AOC2: variants seen among roughly 807,000 people sequenced by gnomAD.
AOC2 encodes amine oxidase [copper-containing] 2.
A neutral mutation model predicts 53.8 loss-of-function variants in AOC2; 57 were observed. The observed-to-expected ratio is 1.06, with a 90% CI of 0.86 to 1.32. The LOEUF is 1.32. Ranked by LOEUF, AOC2 falls within the 40% of genes most tolerant of loss-of-function variation. The pLI is 0.00. For missense variants in AOC2, 1,008 were observed against 957.2 expected, an observed-to-expected ratio of 1.05 and a Z score of -0.70; for synonymous variants, 404 against 399.0, an observed-to-expected ratio of 1.01 and a Z score of -0.15.
rs148420019 is a variant in AOC2 at position 42,850,130 on chromosome 17, G to A, written c.2053G>A (p.Glu685Lys). The stretch of plus-strand genomic sequence containing the variant: ...CAGCTTCCTGCACATTCCCCATGCC[G>A]AGGACATCCCAAACACAGTGACTCT... ...TASFLHIPHAEDIPNTVTLGN... is the reference protein window; with the variant it reads ...TASFLHIPHAKDIPNTVTLGN... The change falls in exon 4 of 4, where the codon GAG (glutamate) becomes AAG (lysine). Residue 685 changes from glutamate (E) to lysine (K), a missense_variant. Physicochemically the swap from Glu to Lys is moderately conservative, Grantham distance 56. Coordinates refer to ENST00000253799, the MANE Select transcript of AOC2 (RefSeq NM_009590.4). The A allele has an allele frequency of 1.3e-4, 216 of 1,614,034 alleles. 1 individual carries two copies. The highest frequency in any genetic ancestry group is 3.3e-4 in the Middle Eastern group (2 of 6,084).
chr17:42,850,401 C>T lies in AOC2; in HGVS notation c.*53C>T. ...TAGGCACATGTACTTTTCCCTGTTT[C>T]TACTTTCTATTCTCCGTGTTTTTAT... On this transcript the variant is annotated 3_prime_UTR_variant, in exon 4 of 4. Transcript: ENST00000253799. 6.6e-7 allele frequency: 1 copy of T among 1,515,992 alleles called. No individual in the cohort carries two copies. The highest frequency in any genetic ancestry group is 1.3e-5 in the South Asian group (1 of 76,968). The allele number at this position is 1,515,992 out of a possible 1,614,324, so 93.9% of individuals were successfully genotyped here. A position where few individuals can be genotyped will look rare whatever the true frequency, so the allele number is the denominator to read the frequency against.
rs1298175860 is a variant in AOC2, at chr17:42,845,725, G to T, written c.1099G>T (p.Gly367Cys). The T allele has an allele frequency of 6.2e-7, 1 of 1,614,034 alleles. No individual in the cohort carries two copies. The highest frequency in any genetic ancestry group is 8.5e-7 in the Non-Finnish European group (1 of 1,180,034). The change falls in exon 1 of 4, where the codon GGT (glycine) becomes TGT (cysteine). Residue 367 changes from glycine (G) to cysteine (C), a missense_variant. Transcript: ENST00000253799. ...VSVQECVSIY[G>C]ADSPKTMLTR... ...TGTCCAGGAGTGTGTATCTATCTAT[G>T]GTGCCGATTCACCCAAGACGATGCT...
rs762996886 is a variant in AOC2, at chr17:42,844,816, T to C, written c.190T>C (p.Leu64=). The C allele has an allele frequency of 1.9e-5, 30 of 1,613,338 alleles. No individual in the cohort carries two copies. The highest frequency in any genetic ancestry group is 2.4e-5 in the Non-Finnish European group (28 of 1,179,680). The change falls in exon 1 of 4, where the codon TTG becomes CTG. Residue 64 remains leucine, a synonymous_variant. Transcript: ENST00000253799. ...QLFADLSREE[L]TAVMRFLTQR... ...GTTTGCAGACCTGAGCCGAGAGGAGTTGACAGCTGTGATGCGCTTTCTGAC... is the reference window on the plus strand; with the variant it reads ...GTTTGCAGACCTGAGCCGAGAGGAGCTGACAGCTGTGATGCGCTTTCTGAC...
chr17:42,850,163 A>C lies in AOC2; in HGVS notation c.2086A>C (p.Arg696=), dbSNP rs2055640365. The change falls in exon 4 of 4, where the codon AGA becomes CGA. Residue 696 remains arginine (R), a synonymous_variant. Coordinates refer to ENST00000253799, the MANE Select transcript of AOC2 (RefSeq NM_009590.4). ...CCCAAACACAGTGACTCTGGGGAAC[A>C]GAGTTGGCTTCTTGCTCCGACCCTA... The part of the protein sequence containing the change: ...DIPNTVTLGN[R]VGFLLRPYNF... 6.2e-7 allele frequency: 1 copy of C among 1,614,062 alleles called. No homozygotes were observed. Among genetic ancestry groups the C allele is most frequent in the African/African-American group, 1.3e-5 (1 of 74,914 alleles).
Position 42,850,411 on chromosome 17 carries a change from T to TGA in AOC2, c.*63_*64insGA. On this transcript the variant is annotated 3_prime_UTR_variant, in exon 4 of 4. Transcript: ENST00000253799. The stretch of plus-strand genomic sequence containing the variant: ...TACTTTTCCCTGTTTCTACTTTCTA[T>TGA]TCTCCGTGTTTTTATCACACCTGCT... 1 of 1,503,524 alleles carries TGA rather than the reference T, an allele frequency of 6.7e-7. No homozygotes were observed. The highest frequency in any genetic ancestry group is 1.3e-5 in the South Asian group (1 of 74,994). The allele number at this position is 1,503,524 out of a possible 1,614,324, so 93.1% of individuals were successfully genotyped here.
In AOC2 at chr17:42,849,747, AC is replaced by A; in HGVS notation, c.2004+18del. On this transcript the variant is annotated intron_variant, in intron 3 of 3. Coordinates refer to ENST00000253799, the MANE Select transcript of AOC2 (RefSeq NM_009590.4). The stretch of plus-strand genomic sequence containing the variant: ...TTAGGAGAGGTTGGTTGCCCTAGGG[AC>A]ATAGGAAAGGGACACCTGTGGGCAT... 1 of 1,614,074 alleles carries A rather than the reference AC, an allele frequency of 6.2e-7. No homozygotes were observed. Among genetic ancestry groups the A allele is most frequent in the Non-Finnish European group, 8.5e-7 (1 of 1,179,986 alleles).
At position 42,845,855 on chromosome 17, in the gene AOC2, T is replaced by C. The variant is rs751404906; in HGVS notation, c.1229T>C (p.Leu410Ser). The C allele has an allele frequency of 6.2e-7, 1 of 1,614,178 alleles. No individual in the cohort carries two copies. The highest frequency in any genetic ancestry group is 8.5e-7 in the Non-Finnish European group (1 of 1,180,026). ...GCCACGATGGTGGACATCCATATAT[T>C]AGTGGGCAAAGGGGCAGTCCAGCTG... ...YQATMVDIHI[L>S]VGKGAVQLLP... The change falls in exon 1 of 4, where the codon TTA (leucine) becomes TCA (serine). Residue 410 changes from leucine (L) to serine (S), a missense_variant. Coordinates refer to ENST00000253799, the MANE Select transcript of AOC2 (RefSeq NM_009590.4).
rs2055622704 is a variant in AOC2 at position 42,849,133 on chromosome 17, GCTGCCCC to G, written c.1640_1646del (p.Ala547GlyfsTer12). 1 of 1,613,936 alleles carries G rather than the reference GCTGCCCC, an allele frequency of 6.2e-7. No individual in the cohort carries two copies. Among genetic ancestry groups the G allele is most frequent in the Non-Finnish European group, 8.5e-7 (1 of 1,179,972 alleles). ...TGAAGACGTGGTGTTTAAACCTGTG[GCTGCCCC>G]CTGGAACCCGGAGCACTGGCTACAG... On this transcript the variant is annotated frameshift_variant, in exon 2 of 4. Coordinates refer to ENST00000253799, the MANE Select transcript of AOC2 (RefSeq NM_009590.4). LOFTEE classifies it high-confidence loss of function.
At chr17:42,850,028 G>C in intron 3 of AOC2, 54 bp from the exon 4 acceptor site, 1 of 1,580,300 alleles carries the variant, frequency 6.3e-7, no homozygotes, top group East Asian at 2.2e-5. Context: ...TGACTGAAGG[G>C]TGGTTCTTTG....
intron 1 of AOC2, 43 bp downstream of exon 1, chr17:42,846,257 C>A: frequency 3.9e-5 from 55 of 1,428,166 alleles, no homozygotes; most frequent in South Asian, 1.8e-4. Flanking sequence ...GGGGCGGGGT[C>A]AGGTGGGGTG....
chr17:42,850,368 G>A lies in AOC2; in HGVS notation c.*20G>A, dbSNP rs191448188. Reference sequence around the variant, plus strand: ...TTCTAGTCCTGAGGGTGTGGCGGGCGGCGTGGTTAGGCACATGTACTTTTC... The same window carrying A: ...TTCTAGTCCTGAGGGTGTGGCGGGCAGCGTGGTTAGGCACATGTACTTTTC... On this transcript the variant is annotated 3_prime_UTR_variant, in exon 4 of 4. Coordinates refer to ENST00000253799, the MANE Select transcript of AOC2 (RefSeq NM_009590.4). 73 of 1,565,748 alleles carry A rather than the reference G, an allele frequency of 4.7e-5. 1 individual carries two copies. Among genetic ancestry groups the A allele is most frequent in the East Asian group, 4.5e-4 (20 of 44,050 alleles).
Position 42,849,076 on chromosome 17 carries a change from C to T in AOC2, c.1589-10C>T. 1 of 1,602,504 alleles carries T rather than the reference C, an allele frequency of 6.2e-7. No homozygotes were observed. Among genetic ancestry groups the T allele is most frequent in the Non-Finnish European group, 8.5e-7 (1 of 1,171,962 alleles). On this transcript the variant is annotated splice_polypyrimidine_tract_variant and intron_variant, in intron 1 of 3. Coordinates refer to ENST00000253799, the MANE Select transcript of AOC2 (RefSeq NM_009590.4). ...GTGTGGAACTCATCTCCTTTCCCTC[C>T]CCCTGGCAGGGCTGAAAAACTGGGT...
rs2144269769 is a variant in AOC2 at position 42,844,887 on chromosome 17, C to G, written c.261C>G (p.Pro87=). The G allele has an allele frequency of 6.2e-7, 1 of 1,613,024 alleles. No homozygotes were observed. Among genetic ancestry groups the G allele is most frequent in the East Asian group, 2.2e-5 (1 of 44,856 alleles). The part of the protein sequence containing the change: ...PGLVDAAQAQ[P]SDNCIFSVEL... Reference sequence around the variant, plus strand: ...TGGTGGACGCAGCCCAGGCTCAGCCCTCGGACAACTGCATCTTCTCAGTGG... The same window carrying G: ...TGGTGGACGCAGCCCAGGCTCAGCCGTCGGACAACTGCATCTTCTCAGTGG... Residue 87 remains proline, a synonymous_variant, in exon 1 of 4, where the codon CCC becomes CCG. Coordinates refer to ENST00000253799, the MANE Select transcript of AOC2 (RefSeq NM_009590.4).
Position 42,850,085 on chromosome 17 carries a change from C to G in AOC2, c.2008C>G (p.Leu670Val). The G allele has an allele frequency of 6.2e-7, 1 of 1,613,166 alleles. No homozygotes were observed. The highest frequency in any genetic ancestry group is 1.7e-5 in the Admixed American group (1 of 60,006). ...INNETLLGEDLVAWVTASFLH... is the reference protein window; with the variant it reads ...INNETLLGEDVVAWVTASFLH... ...CAGCTCCTCCTTCTTCTTGCAGGATCTGGTGGCTTGGGTCACAGCCAGCTT... is the reference window on the plus strand; with the variant it reads ...CAGCTCCTCCTTCTTCTTGCAGGATGTGGTGGCTTGGGTCACAGCCAGCTT... The change falls in exon 4 of 4, where the codon CTG becomes GTG. Residue 670 changes from leucine to valine, a missense_variant. Coordinates refer to ENST00000253799, the MANE Select transcript of AOC2 (RefSeq NM_009590.4).
intron 1 of AOC2, among the ~76,000 whole-genome samples, chr17:42,846,666 A>G (rs1321684692): frequency 6.6e-6 from 1 of 152,048 alleles, no homozygotes; most frequent in Non-Finnish European, 1.5e-5. Flanking sequence ...GTGGGGGTCG[A>G]CCTGGGGCTT....
chr17:42,844,956 C>G lies in AOC2; in HGVS notation c.330C>G (p.Asp110Glu), dbSNP rs1003276317. The change falls in exon 1 of 4, where the codon GAC (aspartate) becomes GAG (glutamate). Residue 110 changes from aspartate (D) to glutamate (E), a missense_variant. By Grantham distance (45) the Asp-to-Glu change is conservative. Transcript: ENST00000253799. Reference protein sequence around the residue: ...PPKAAALAHLDRGSPPPAREA... With the variant: ...PPKAAALAHLERGSPPPAREA... The stretch of plus-strand genomic sequence containing the variant: ...AGGCTGCAGCCCTGGCCCACCTGGA[C>G]AGGGGGAGCCCCCCACCTGCCCGGG... 2.5e-6 allele frequency: 4 copies of G among 1,611,402 alleles called. No individual in the cohort carries two copies. In the Admixed American group the frequency reaches 5.0e-5, roughly 20 times the overall value.
intron 3 of AOC2, 78 bp from the exon 4 acceptor site, chr17:42,850,004 G>T: frequency 6.5e-7 from 1 of 1,546,294 alleles, no homozygotes; most frequent in South Asian, 1.2e-5. Context: ...GGCTGAGACT[G>T]GAGGCTGGGA....
Position 42,850,398 on chromosome 17 carries a change from T to C in AOC2, c.*50T>C. 6.6e-7 allele frequency: 1 copy of C among 1,516,362 alleles called. No homozygotes were observed. Among genetic ancestry groups the C allele is most frequent in the South Asian group, 1.3e-5 (1 of 77,006 alleles). 93.9% of individuals were successfully genotyped at this position (1,516,362 alleles called of 1,614,324 possible). A position where few individuals can be genotyped will look rare whatever the true frequency, so the allele number is the denominator to read the frequency against. On this transcript the variant is annotated 3_prime_UTR_variant, in exon 4 of 4. Coordinates refer to ENST00000253799, the MANE Select transcript of AOC2 (RefSeq NM_009590.4). ...GGTTAGGCACATGTACTTTTCCCTG[T>C]TTCTACTTTCTATTCTCCGTGTTTT...
chr17:42,848,497 A>G lies in AOC2; in HGVS notation c.1589-589A>G, dbSNP rs147582185. ...CCATGTGTGGCAACTGGGCACTTCA[A>G]GTGTGGCTAGTGTGACAGAGGAACT... On this transcript the variant is annotated intron_variant, in intron 1 of 3. Coordinates refer to ENST00000253799, the MANE Select transcript of AOC2 (RefSeq NM_009590.4). 8.3e-3 allele frequency among the ~76,000 whole-genome samples: 1,236 copies of G among 148,046 alleles called. 18 individuals carry two copies. The highest frequency in any genetic ancestry group is 0.029 in the African/African-American group (1,135 of 39,454).
Sources: gnomAD v4.1 joint callset for allele counts (sites outside exome capture counted in the v4.1 genomes callset) on GRCh38, gnomAD v4.1.1 for gene constraint, MANE v1.5 for transcripts, NCBI Gene and HGNC (gene_info 2026-07-23, HGNC 2026-07-21) for gene names.